SLC1A5: variants seen among roughly 807,000 people sequenced by gnomAD.
The protein encoded by SLC1A5 is neutral amino acid transporter B(0).
SLC1A5 carries 25 observed loss-of-function variants against 34.9 expected under a neutral mutation model. The observed-to-expected ratio is 0.72, with a 90% confidence interval of 0.52 to 1.00. The LOEUF is 1.00. SLC1A5 is among the 50% of genes least tolerant of loss of function. The pLI, the probability that SLC1A5 is intolerant of heterozygous loss-of-function variation, is 0.00. For synonymous variants in SLC1A5, 351 were observed against 341.2 expected (o/e 1.03, Z -0.32); for missense variants, 637 against 740.0 (o/e 0.86, Z 1.61).
In SLC1A5 at chr19:46,775,016, C is replaced by T; in HGVS notation, c.*494G>A. 1 of 986,172 alleles carries T rather than the reference C, an allele frequency of 1.0e-6. No individual in the cohort carries two copies. The highest frequency in any genetic ancestry group is 1.2e-6 in the Non-Finnish European group (1 of 830,704). The allele number at this position is 986,172 out of a possible 1,614,324, so 61.1% of individuals were successfully genotyped here. A position where few individuals can be genotyped will look rare whatever the true frequency, so the allele number is the denominator to read the frequency against. On this transcript the variant is annotated 3_prime_UTR_variant, in exon 8 of 8. Coordinates refer to ENST00000542575, the MANE Select transcript of SLC1A5 (RefSeq NM_005628.3). ...GTGGAGGGAATAGGGGATCTGGGGA[C>T]AGGGTGGGACGTACCATGGGGACAG... is the stretch of plus-strand genomic sequence containing the variant.
chr19:46,782,510 C>T lies in SLC1A5; in HGVS notation c.697G>A (p.Gly233Ser), dbSNP rs2055155111. 6.2e-7 allele frequency: 1 copy of T among 1,613,986 alleles called. No homozygotes were observed. Among genetic ancestry groups the T allele is most frequent in the Non-Finnish European group, 8.5e-7 (1 of 1,180,036 alleles). The part of the protein sequence containing the change: ...GQEVEGMNIL[G>S]LVVFAIVFGV... Reference sequence around the variant, plus strand: ...AAGACGATGGCAAACACTACCAAGCCCAGGATGTTCATCCCCTCCACCTCC... The same window carrying T: ...AAGACGATGGCAAACACTACCAAGCTCAGGATGTTCATCCCCTCCACCTCC... Residue 233 changes from glycine (G) to serine (S), a missense_variant, in exon 4 of 8, where the codon GGC becomes AGC. Coordinates refer to ENST00000542575, the MANE Select transcript of SLC1A5 (RefSeq NM_005628.3).
At chr19:46,779,053 C>T in intron 4 of SLC1A5, 145 bp from the exon 5 acceptor site, 1 of 603,470 alleles carries the variant, frequency 1.7e-6, no homozygotes, top group South Asian at 2.1e-5. Flanking sequence ...GGGCACCACT[C>T]CCAGGCCTGG....
chr19:46,777,457 C>G, intron 5 of SLC1A5, 52 bp from the exon 6 acceptor site: 1 of 1,521,142 alleles, frequency 6.6e-7, no homozygotes. Context: ...CGGGGCTCCG[C>G]CCACCCTCCA....
At chr19:46,777,795 A>G (rs2055108411) in intron 5 of SLC1A5, among the ~76,000 whole-genome samples, 1 of 143,316 alleles carries the variant, frequency 7.0e-6, no homozygotes, top group African/African-American at 2.6e-5. Flanking sequence ...AGGCCCCCAC[A>G]TCTAACCTAG....
chr19:46,775,790 G>A lies in SLC1A5; in HGVS notation c.1389-43C>T, dbSNP rs375202091. ...ACAGCAAAGTAAGCGGGAGGGGAGA[G>A]GGTGAGAGGGAAGGAAAGGGCCAAG... On this transcript the variant is annotated intron_variant, in intron 7 of 7. Transcript: ENST00000542575. The A allele has an allele frequency of 3.0e-3, 4,805 of 1,586,032 alleles. 78 individuals carry two copies. Among genetic ancestry groups the A allele is most frequent in the South Asian group, 0.028 (2,435 of 88,126 alleles).
intron 1 of SLC1A5, among the ~76,000 whole-genome samples, chr19:46,785,617 C>T (rs1014943348): frequency 2.6e-5 from 4 of 152,244 alleles, no homozygotes; most frequent in Admixed American, 1.3e-4. Flanking sequence ...GCCCCAAGCA[C>T]TCCACATGCT....
chr19:46,782,650 G>A, intron 3 of SLC1A5, 101 bp from the exon 4 acceptor site: 1 of 1,386,272 alleles, frequency 7.2e-7, no homozygotes, highest in Non-Finnish European at 1.0e-6. Context: ...CAGAGACAAG[G>A]CAGCCCTCAG....
chr19:46,776,827 A>G, intron 7 of SLC1A5, 148 bp downstream of exon 7: 1 of 834,430 alleles, frequency 1.2e-6, no homozygotes, highest in Non-Finnish European at 1.9e-6. Flanking sequence ...CCTTGCCCTC[A>G]GGAATGCTCA....
In SLC1A5 at chr19:46,777,087, C is replaced by G. The variant is rs1379619024; in HGVS notation, c.1276G>C (p.Val426Leu). ...CCAGCAGGGATGCCCGCTGCCCCCA[C>G]GCTGGACGCTGTGGCCGTGACCCTG... ...TILVTATASS[V>L]GAAGIPAGGV... Residue 426 changes from valine (V) to leucine (L), a missense_variant, in exon 7 of 8, where the codon GTG becomes CTG. Val to Leu is a conservative substitution (Grantham distance 32). Coordinates refer to ENST00000542575, the MANE Select transcript of SLC1A5 (RefSeq NM_005628.3). The G allele has an allele frequency of 6.2e-7, 1 of 1,613,888 alleles. No individual in the cohort carries two copies. Among genetic ancestry groups the G allele is most frequent in the Non-Finnish European group, 8.5e-7 (1 of 1,179,984 alleles).
Position 46,774,941 on chromosome 19 carries a change from G to T in SLC1A5, c.*569C>A. The T allele has an allele frequency of 1.0e-6, 1 of 986,048 alleles. No homozygotes were observed. The highest frequency in any genetic ancestry group is 1.7e-5 in the African/African-American group (1 of 57,332). The allele number at this position is 986,048 out of a possible 1,614,324, so 61.1% of individuals were successfully genotyped here. ...AAAATGTCCTCTGGAGTGACAGCAGGTATTTGTCCTCAGCCTCTCCCCAGA... is the reference window on the plus strand; with the variant it reads ...AAAATGTCCTCTGGAGTGACAGCAGTTATTTGTCCTCAGCCTCTCCCCAGA... On this transcript the variant is annotated 3_prime_UTR_variant, in exon 8 of 8. Coordinates refer to ENST00000542575, the MANE Select transcript of SLC1A5 (RefSeq NM_005628.3).
chr19:46,777,323 T>A lies in SLC1A5; in HGVS notation c.1141A>T (p.Ile381Phe), dbSNP rs1003753251. 1 of 1,613,800 alleles carries A rather than the reference T, an allele frequency of 6.2e-7. No homozygotes were observed. The change falls in exon 6 of 8, where the codon ATC becomes TTC. Residue 381 changes from isoleucine to phenylalanine, a missense_variant. Transcript: ENST00000542575. ...CCGTCCATGTTGACGGTGGCGCCGA[T>A]GGGCAGGATGAAACGGCTGATGTGC... ...AKHISRFILPIGATVNMDGAA... is the reference protein window; with the variant it reads ...AKHISRFILPFGATVNMDGAA...
In SLC1A5 at chr19:46,788,242, GGCCCTA is replaced by G. The variant is rs3027954; in HGVS notation, c.-283_-278del. The G allele has an allele frequency of 0.2, 86,871 of 436,374 alleles. 10,212 individuals carry two copies. Among genetic ancestry groups the G allele is most frequent in the East Asian group, 0.43 (10,962 of 25,692 alleles). 27.0% of individuals were successfully genotyped at this position (436,374 alleles called of 1,614,324 possible). A position where few individuals can be genotyped will look rare whatever the true frequency, so the allele number is the denominator to read the frequency against. On this transcript the variant is annotated 5_prime_UTR_variant, in exon 1 of 8. Transcript: ENST00000542575. ...GGAGTTCGGAGCGCCCGGGTTCCTTGGCCCTAGGAGCTGGGAATACGAGAGTTTCTC... is the reference window on the plus strand; with the variant it reads ...GGAGTTCGGAGCGCCCGGGTTCCTTGGGAGCTGGGAATACGAGAGTTTCTC...
chr19:46,784,953 T>G (rs1049581432), intron 1 of SLC1A5: 12 of 1,105,892 alleles, frequency 1.1e-5, no homozygotes, highest in Admixed American at 4.2e-5. Context: ...TCTGAGAGTA[T>G]GGGGGAGGAT....
intron 4 of SLC1A5, among the ~76,000 whole-genome samples, chr19:46,781,018 G>T (rs2055141884): frequency 6.6e-6 from 1 of 152,090 alleles, no homozygotes; most frequent in Non-Finnish European, 1.5e-5. Flanking sequence ...GAAAGACCAT[G>T]GCCTGGGTCT....
intron 4 of SLC1A5, among the ~76,000 whole-genome samples, chr19:46,781,963 C>T (rs1007771576): frequency 2.0e-5 from 3 of 152,084 alleles, no homozygotes; most frequent in African/African-American, 7.2e-5. Flanking sequence ...GCATGATCTC[C>T]GCTTACTGCA....
At chr19:46,782,346 A>AACCCCCCCCCCCCC in intron 4 of SLC1A5, 37 bp downstream of exon 4, 41 of 567,958 alleles carry the variant, frequency 7.2e-5, no homozygotes, top group Middle Eastern at 1.0e-3. Flanking sequence ...CGACCCTCCA[A>AACCCCCCCCCCCCC]CCCCACCCAC....
intron 7 of SLC1A5, among the ~76,000 whole-genome samples, chr19:46,776,372 AT>A (rs1195152851): frequency 1.3e-5 from 2 of 151,524 alleles, no homozygotes; most frequent in Non-Finnish European, 2.9e-5. Context: ...TACCCGGCTA[AT>A]TTTTTTGTAT....
intron 4 of SLC1A5, among the ~76,000 whole-genome samples, chr19:46,779,522 C>A (rs945903714): frequency 1.2e-4 from 18 of 151,634 alleles, no homozygotes; most frequent in African/African-American, 4.4e-4. Context: ...AAATGTCCAT[C>A]AAGGTGCGCC....
intron 4 of SLC1A5, 22 bp downstream of exon 4, chr19:46,782,361 A>AC: frequency 1.1e-5 from 3 of 263,478 alleles, no homozygotes; most frequent in South Asian, 4.9e-5. Context: ...ACCCACCCCC[A>AC]GCCTCCTCTC....
Sources: gnomAD v4.1 joint callset for allele counts (sites outside exome capture counted in the v4.1 genomes callset) on GRCh38, gnomAD v4.1.1 for gene constraint, MANE v1.5 for transcripts, NCBI Gene and HGNC (gene_info 2026-07-23, HGNC 2026-07-21) for gene names.